The following RMND1 variants were observed in gnomAD, a reference collection of about 807,000 sequenced individuals.
RMND1 encodes the protein required for meiotic nuclear division protein 1 homolog.
A neutral mutation model predicts 54.0 loss-of-function variants in RMND1; 41 were observed. That is an observed-to-expected ratio of 0.76 (90% CI 0.59 to 0.98). The LOEUF is 0.98. RMND1 is among the 50% of genes least tolerant of loss of function. RMND1 has a pLI of 0.00. For synonymous variants in RMND1, 183 were observed against 181.7 expected (o/e 1.01, Z -0.06); for missense variants, 457 against 532.0 (o/e 0.86, Z 1.39).
chr6:151,410,563 G>A (rs983137378), intron 10 of RMND1, among the ~76,000 whole-genome samples: 2 of 152,136 alleles, frequency 1.3e-5, no homozygotes, highest in African/African-American at 2.4e-5. Context: ...GGTAGTTTGA[G>A]ACCTTTTAGG....
At chr6:151,432,840 G>A (rs1211406239) in intron 4 of RMND1, among the ~76,000 whole-genome samples, 1 of 152,058 alleles carries the variant, frequency 6.6e-6, no homozygotes, top group Non-Finnish European at 1.5e-5. Flanking sequence ...AGTCTGACAA[G>A]GGGCACTAAA....
rs1288205053 is a variant in RMND1 at position 151,445,523 on chromosome 6, T to C, written c.289A>G (p.Thr97Ala). 2.5e-6 allele frequency: 4 copies of C among 1,614,126 alleles called. No homozygotes were observed. The highest frequency in any genetic ancestry group is 3.4e-6 in the Non-Finnish European group (4 of 1,180,050). Residue 97 changes from threonine to alanine, a missense_variant, in exon 2 of 12, where the codon ACC (threonine) becomes GCC (alanine). Transcript: ENST00000444024. Reference sequence around the variant, plus strand: ...CTGTGAGTACCAAAGGATTTCATGGTTGGAAGGTGTGCCTTTTCATCTTGG... The same window carrying C: ...CTGTGAGTACCAAAGGATTTCATGGCTGGAAGGTGTGCCTTTTCATCTTGG... ...RCQDEKAHLP[T>A]MKSFGTHRRV...
At chr6:151,446,320 G>C (rs917581828) in intron 1 of RMND1, among the ~76,000 whole-genome samples, 33 of 151,956 alleles carry the variant, frequency 2.2e-4, no homozygotes, top group African/African-American at 7.2e-4. Context: ...TGTAGTCCCA[G>C]CTACTCACAG....
At chr6:151,449,826 T>TACGAC (rs1781081053) in intron 1 of RMND1, among the ~76,000 whole-genome samples, 3 of 152,218 alleles carry the variant, frequency 2.0e-5, no homozygotes, top group African/African-American at 7.2e-5. Flanking sequence ...TTTTCGTACT[T>TACGAC]TTTTGGTGGA....
At chr6:151,422,991 G>A (rs553959160) in intron 7 of RMND1, among the ~76,000 whole-genome samples, 4 of 152,256 alleles carry the variant, frequency 2.6e-5, no homozygotes, top group South Asian at 2.1e-4. Context: ...AGAAATCTCC[G>A]AAGCCCCTCA....
At chr6:151,441,369 TG>T (rs147793152) in intron 2 of RMND1, among the ~76,000 whole-genome samples, 1,967 of 152,250 alleles carry the variant, frequency 0.013, 42 homozygotes, top group African/African-American at 0.045. Context: ...CATTTTTGGT[TG>T]TAGTATTTGC....
intron 10 of RMND1, among the ~76,000 whole-genome samples, chr6:151,409,734 G>A (rs1447308548): frequency 1.3e-5 from 2 of 152,154 alleles, no homozygotes; most frequent in Non-Finnish European, 2.9e-5. Flanking sequence ...AGGCAGACAA[G>A]AGACTGGGAT....
chr6:151,447,040 C>G (rs908856930), intron 1 of RMND1, among the ~76,000 whole-genome samples: 1 of 152,104 alleles, frequency 6.6e-6, no homozygotes, highest in African/African-American at 2.4e-5. Flanking sequence ...ACAAATTGCT[C>G]TAGTCCAGAG....
intron 1 of RMND1, among the ~76,000 whole-genome samples, chr6:151,447,219 T>G (rs1780980390): frequency 6.6e-6 from 1 of 152,194 alleles, no homozygotes; most frequent in African/African-American, 2.4e-5. Flanking sequence ...AAAGAGCCGA[T>G]GGCCAGATCA....
Position 151,423,605 on chromosome 6 carries a change from TC to T in RMND1, c.856del (p.Glu286LysfsTer4), listed in dbSNP as rs1780213490. On this transcript the variant is annotated frameshift_variant, in exon 7 of 12. Coordinates refer to ENST00000444024, the MANE Select transcript of RMND1 (RefSeq NM_017909.4). LOFTEE classifies it high-confidence loss of function. ...ATCCAGCTCTGAATTTAACTTGATT[TC>T]CCCCCTGTGAAGTTTTGACTGTCCC... ...IEGQSKLHRG[E>X]IKLNSELDLD... is the part of the protein sequence containing the mutation. 3 of 1,613,796 alleles carry T rather than the reference TC, an allele frequency of 1.9e-6. No homozygotes were observed. The highest frequency in any genetic ancestry group is 2.5e-6 in the Non-Finnish European group (3 of 1,179,784).
intron 5 of RMND1, among the ~76,000 whole-genome samples, chr6:151,428,072 G>A (rs1780352951): frequency 6.6e-6 from 1 of 152,004 alleles, no homozygotes; most frequent in Non-Finnish European, 1.5e-5. Context: ...CGGTTGCAGT[G>A]AGCCAATGTC....
intron 10 of RMND1, among the ~76,000 whole-genome samples, chr6:151,410,231 A>G (rs971626480): frequency 5.3e-5 from 8 of 151,662 alleles, no homozygotes; most frequent in Non-Finnish European, 8.8e-5. Context: ...ATTTTTTTGT[A>G]TTTTTAGTAG....
chr6:151,411,765 A>G (rs73780679), intron 10 of RMND1: 19,285 of 152,222 alleles, frequency 0.13, 1,311 homozygotes, highest in Middle Eastern at 0.18. Context: ...CTTGCTGACA[A>G]TTCAGAACAC....
In RMND1 at chr6:151,452,037, G is replaced by C. The variant is rs1016488871; in HGVS notation, c.-36C>G. The C allele has an allele frequency of 6.2e-6, 1 of 161,026 alleles. No individual in the cohort carries two copies. The highest frequency in any genetic ancestry group is 1.4e-5 in the Non-Finnish European group (1 of 72,994). The allele number at this position is 161,026 out of a possible 1,614,324, so 10.0% of individuals were successfully genotyped here. On this transcript the variant is annotated 5_prime_UTR_variant, in exon 1 of 12. Coordinates refer to ENST00000444024, the MANE Select transcript of RMND1 (RefSeq NM_017909.4). ...TAACCTCTCCGCCGGAAGAGAAGAA[G>C]GAAGCGCCAGGGACGCACGCTTCCT...
At chr6:151,442,690 C>T (rs1431448979) in intron 2 of RMND1, among the ~76,000 whole-genome samples, 1 of 137,632 alleles carries the variant, frequency 7.3e-6, no homozygotes, top group Non-Finnish European at 1.5e-5. Context: ...CCAGCAAGCC[C>T]GGCTTTTTTT....
chr6:151,417,185 G>C, intron 10 of RMND1, 94 bp downstream of exon 10: 1 of 1,349,666 alleles, frequency 7.4e-7, no homozygotes, highest in Non-Finnish European at 1.0e-6. Context: ...TTGAATGGAA[G>C]TCAAACAAGA....
At chr6:151,444,068 G>A (rs911260030) in intron 2 of RMND1, among the ~76,000 whole-genome samples, 2 of 152,208 alleles carry the variant, frequency 1.3e-5, no homozygotes, top group African/African-American at 2.4e-5. Context: ...AATAGATACG[G>A]TATTTAGGAA....
At chr6:151,413,880 C>A (rs1473738244) in intron 10 of RMND1, 1 of 152,150 alleles carries the variant, frequency 6.6e-6, no homozygotes, top group East Asian at 1.9e-4. Flanking sequence ...TGGTGATGAT[C>A]TCTACTGTCC....
chr6:151,429,050 C>T (rs1188222623), intron 5 of RMND1, among the ~76,000 whole-genome samples: 1 of 151,496 alleles, frequency 6.6e-6, no homozygotes, highest in Non-Finnish European at 1.5e-5. Flanking sequence ...GTTTCCTTTT[C>T]GTAAAATTGG....
Sources: gnomAD v4.1 joint callset for allele counts (sites outside exome capture counted in the v4.1 genomes callset) on GRCh38, gnomAD v4.1.1 for gene constraint, MANE v1.5 for transcripts, NCBI Gene and HGNC (gene_info 2026-07-23, HGNC 2026-07-21) for gene names.